Variants in CHODL observed in about 807,000 individuals in gnomAD.
The protein encoded by CHODL is transmembrane protein MT75.
CHODL carries 29 observed loss-of-function variants against 34.5 expected under a neutral mutation model. The observed-to-expected ratio is 0.84, with a 90% CI of 0.63 to 1.15. The LOEUF (loss-of-function observed/expected upper bound fraction) is 1.15, where lower values mean the gene tolerates loss of function less well. Among genes scored for constraint, CHODL ranks in the 50% most tolerant of loss-of-function variants. The pLI, the probability that CHODL is intolerant of heterozygous loss-of-function variation, is 0.00. For synonymous variants in CHODL, 125 were observed against 116.1 expected (o/e 1.08, Z -0.49); for missense variants, 332 against 332.5 (o/e 1.00, Z 0.01).
Position 18,233,873 on chromosome 21 carries a change from A to C in CHODL, c.-44-22636A>C, listed in dbSNP as rs556080650. Among the ~76,000 whole-genome samples, 3 of 152,284 alleles carry C rather than the reference A, an allele frequency of 2.0e-5. No homozygotes were observed. In the South Asian group the frequency reaches 6.2e-4, roughly 32 times the overall value. ...CAAGGTTTAAAAGTTTAAGCCAATA[A>C]AATACTGTCTATATTCCAACCGTAA... On this transcript the variant is annotated intron_variant, in intron 2 of 6. Transcript: ENST00000400127.
intron 2 of CHODL, among the ~76,000 whole-genome samples, chr21:18,108,579 G>A (rs1411131676): frequency 6.6e-6 from 1 of 152,168 alleles, no homozygotes; most frequent in African/African-American, 2.4e-5. Flanking sequence ...TACAGGATGG[G>A]AAGTATATGA....
At chr21:18,255,621 A>G (rs982808142) in intron 1 of CHODL, among the ~76,000 whole-genome samples, 1 of 152,076 alleles carries the variant, frequency 6.6e-6, no homozygotes, top group African/African-American at 2.4e-5. Context: ...CATTGATAAG[A>G]TTTTACTAGC....
intron 1 of CHODL, among the ~76,000 whole-genome samples, chr21:18,027,289 A>G (rs150713365): frequency 2.6e-4 from 39 of 152,248 alleles, no homozygotes; most frequent in African/African-American, 9.4e-4. Context: ...AGCAATCGTA[A>G]CAATAAATAA....
intron 2 of CHODL, among the ~76,000 whole-genome samples, chr21:18,147,640 G>A (rs1371315530): frequency 2.0e-5 from 3 of 152,184 alleles, no homozygotes; most frequent in Non-Finnish European, 4.4e-5. Flanking sequence ...AAAGGGCCAG[G>A]TAGCAAATAT....
intron 2 of CHODL, among the ~76,000 whole-genome samples, chr21:18,202,173 A>T (rs1314202934): frequency 6.6e-6 from 1 of 152,206 alleles, no homozygotes; most frequent in East Asian, 1.9e-4. Flanking sequence ...TAAAAAGAAA[A>T]TTGTATTCAA....
intron 2 of CHODL, chr21:18,034,520 C>T (rs1307948553): frequency 1.3e-5 from 2 of 151,988 alleles, no homozygotes; most frequent in Non-Finnish European, 2.9e-5. Context: ...CATACAGTAC[C>T]TGCATTTTCT....
chr21:18,079,079 A>T (rs2064902704), intron 2 of CHODL, among the ~76,000 whole-genome samples: 2 of 152,096 alleles, frequency 1.3e-5, no homozygotes, highest in Non-Finnish European at 2.9e-5. Context: ...CCATCACCTA[A>T]ATAGTGAATA....
At chr21:18,175,623 T>C (rs1023730393) in intron 2 of CHODL, among the ~76,000 whole-genome samples, 5 of 151,820 alleles carry the variant, frequency 3.3e-5, no homozygotes, top group African/African-American at 1.2e-4. Context: ...TATTGTTCCT[T>C]CCCTCCTGGA....
chr21:17,972,031 C>T (rs570813466), intron 1 of CHODL, among the ~76,000 whole-genome samples: 1 of 152,288 alleles, frequency 6.6e-6, no homozygotes, highest in South Asian at 2.1e-4. Flanking sequence ...AAACGTAATC[C>T]ATCACATAAA....
At chr21:17,978,853 G>C (rs2063691961) in intron 1 of CHODL, among the ~76,000 whole-genome samples, 1 of 151,448 alleles carries the variant, frequency 6.6e-6, no homozygotes, top group Non-Finnish European at 1.5e-5. Flanking sequence ...AGTTCTTTGT[G>C]GTTGAAATGC....
intron 2 of CHODL, among the ~76,000 whole-genome samples, chr21:18,171,736 GTT>G (rs71189587): frequency 0.43 from 63,717 of 146,516 alleles, 14,930 homozygotes; most frequent in East Asian, 0.62. Flanking sequence ...ATTCTCTTCA[GTT>G]TTTTTTTTTT....
chr21:18,210,295 C>T (rs2073758796), intron 2 of CHODL, among the ~76,000 whole-genome samples: 1 of 152,188 alleles, frequency 6.6e-6, no homozygotes, highest in African/African-American at 2.4e-5. Context: ...CAATGTCCCA[C>T]AATCACGGCA....
At chr21:18,050,720 G>T (rs2064503001) in intron 2 of CHODL, among the ~76,000 whole-genome samples, 1 of 151,830 alleles carries the variant, frequency 6.6e-6, no homozygotes, top group Admixed American at 6.6e-5. Context: ...TTAAGAAGGG[G>T]TGTTGAGATC....
intron 1 of CHODL, among the ~76,000 whole-genome samples, chr21:17,940,981 A>G (rs1389224579): frequency 6.6e-6 from 1 of 152,244 alleles, no homozygotes; most frequent in African/African-American, 2.4e-5. Context: ...TTTAAAGTAA[A>G]CTATTAATAA....
At chr21:18,170,508 G>T (rs188966625) in intron 2 of CHODL, among the ~76,000 whole-genome samples, 84 of 152,078 alleles carry the variant, frequency 5.5e-4, no homozygotes, top group African/African-American at 2.0e-3. Flanking sequence ...CTTATTTGGG[G>T]TTAAACAGGT....
At chr21:18,194,414 G>A (rs2073556680) in intron 2 of CHODL, among the ~76,000 whole-genome samples, 2 of 152,122 alleles carry the variant, frequency 1.3e-5, no homozygotes, top group African/African-American at 4.8e-5. Flanking sequence ...AAGGAGCCAA[G>A]CTCATCCCCA....
chr21:17,957,165 T>C (rs1026112139), intron 1 of CHODL, among the ~76,000 whole-genome samples: 3 of 152,216 alleles, frequency 2.0e-5, no homozygotes, highest in Non-Finnish European at 4.4e-5. Flanking sequence ...TCAATCATTA[T>C]GCTTTATCAA....
At position 17,924,121 on chromosome 21, in the gene CHODL, C is replaced by T. The variant is rs980592649; in HGVS notation, c.-145+6721C>T. Among the ~76,000 whole-genome samples, 6 of 152,098 alleles carry T rather than the reference C, an allele frequency of 3.9e-5. No individual in the cohort carries two copies. The South Asian group carries it at 8.3e-4, about 21-fold the overall frequency. ...GGCTGTGGCTGGAGGTGCCTCTGCC[C>T]GGTAGCACCATACAAAGTGCTAAAC... is the stretch of plus-strand genomic sequence containing the variant. On this transcript the variant is annotated intron_variant, in intron 1 of 6. Transcript: ENST00000400127.
intron 2 of CHODL, among the ~76,000 whole-genome samples, chr21:18,187,595 G>C (rs1049549138): frequency 1.3e-5 from 2 of 152,208 alleles, no homozygotes; most frequent in Non-Finnish European, 2.9e-5. Context: ...TCTCAAGGCT[G>C]CCTCTTTTTA....
Sources: allele counts gnomAD v4.1 joint callset (sites outside exome capture counted in the v4.1 genomes callset), GRCh38; gene constraint gnomAD v4.1.1; transcripts MANE v1.5; gene names NCBI Gene and HGNC (gene_info 2026-07-23, HGNC 2026-07-21).